The following RTTN variants were observed in gnomAD, a reference collection of about 807,000 sequenced individuals.
The protein encoded by RTTN is rotatin.
Under a neutral mutation model 269.2 loss-of-function variants are expected in RTTN, and 182 were observed. The observed-to-expected ratio is 0.68, with a 90% CI of 0.60 to 0.76. RTTN has a LOEUF of 0.76. RTTN is among the 30% of genes least tolerant of loss of function. The probability of loss-of-function intolerance (pLI) is 0.00; values close to 1 mark genes in which losing one functional copy is unlikely to be tolerated. For missense variants in RTTN, 2,545 were observed against 2,608.6 expected (o/e 0.98, Z 0.53); for synonymous variants, 1,006 against 963.5 (o/e 1.04, Z -0.82).
intron 14 of RTTN, among the ~76,000 whole-genome samples, chr18:70,154,171 TA>T (rs2060613817): frequency 6.6e-6 from 1 of 152,014 alleles, no homozygotes; most frequent in Admixed American, 6.5e-5. Flanking sequence ...GCATTTTTTT[TA>T]AAAACAAATT....
intron 26 of RTTN, among the ~76,000 whole-genome samples, chr18:70,116,666 C>T (rs1272595681): frequency 6.6e-6 from 1 of 152,004 alleles, no homozygotes; most frequent in Non-Finnish European, 1.5e-5. Context: ...CACTGTTGAC[C>T]TCTAAAAGGC....
chr18:70,079,275 G>C (rs904030163), intron 32 of RTTN, among the ~76,000 whole-genome samples: 2 of 151,644 alleles, frequency 1.3e-5, no homozygotes, highest in Non-Finnish European at 2.9e-5. Context: ...AAATATTCTT[G>C]AACTGCTCAA....
intron 44 of RTTN, among the ~76,000 whole-genome samples, chr18:70,022,600 A>C (rs1175291485): frequency 6.6e-6 from 1 of 152,078 alleles, no homozygotes; most frequent in African/African-American, 2.4e-5. Flanking sequence ...CTACTTCTTC[A>C]TCTTCTCTCC....
At position 70,140,170 on chromosome 18, in the gene RTTN, A is replaced by G; in HGVS notation, c.2600T>C (p.Val867Ala). ...GTCAATTAAGCATAACTTTTTCACC[A>G]CAGCATGCATTTTAATATCTGTAGA... The part of the protein sequence containing the change: ...VIMQDIKMHA[V>A]VKKLCLIDKI... Residue 867 changes from valine to alanine, a missense_variant, in exon 20 of 49, where the codon GTG (valine) becomes GCG (alanine). Val to Ala is a moderately conservative substitution (Grantham distance 64). Transcript: ENST00000640769. 1 of 1,584,334 alleles carries G rather than the reference A, an allele frequency of 6.3e-7. No homozygotes were observed. Among genetic ancestry groups the G allele is most frequent in the Non-Finnish European group, 8.7e-7 (1 of 1,154,444 alleles).
At chr18:70,083,816 G>T (rs114607142) in intron 32 of RTTN, among the ~76,000 whole-genome samples, 1,871 of 152,060 alleles carry the variant, frequency 0.012, 54 homozygotes, top group African/African-American at 0.042. Context: ...GCATGTGCCT[G>T]GGGTCCCAGC....
intron 10 of RTTN, among the ~76,000 whole-genome samples, chr18:70,177,691 A>C: frequency 6.6e-6 from 1 of 152,196 alleles, no homozygotes; most frequent in Admixed American, 6.5e-5. Context: ...AAATACCTGC[A>C]AACTAAGAAC....
chr18:70,165,544 A>G (rs1009207019), intron 14 of RTTN, among the ~76,000 whole-genome samples: 4 of 152,050 alleles, frequency 2.6e-5, no homozygotes, highest in African/African-American at 9.6e-5. Flanking sequence ...GGACACTTTC[A>G]AGAGTACGCA....
At chr18:70,054,653 T>C (rs8084019) in intron 37 of RTTN, among the ~76,000 whole-genome samples, 134,126 of 152,002 alleles carry the variant, frequency 0.88, 60,538 homozygotes, top group East Asian at 1. Context: ...GGCAATACGG[T>C]GAGATCCTGT....
At chr18:70,126,440 C>T (rs1414776694) in intron 25 of RTTN, among the ~76,000 whole-genome samples, 1 of 152,006 alleles carries the variant, frequency 6.6e-6, no homozygotes, top group Admixed American at 6.6e-5. Flanking sequence ...TGTCAATTTC[C>T]ATGGTGTAAA....
At position 70,150,038 on chromosome 18, in the gene RTTN, A is replaced by G. The variant is rs879057940; in HGVS notation, c.2105T>C (p.Leu702Ser). The change falls in exon 16 of 49, where the codon TTG becomes TCG. Residue 702 changes from leucine (L) to serine (S), a missense_variant. Coordinates refer to ENST00000640769, the MANE Select transcript of RTTN (RefSeq NM_173630.4). Reference sequence around the variant, plus strand: ...GTTCCAGGTCAATGCTGTCATCATCAATCGTCCCTGAAGCAGGTATAACAG... The same window carrying G: ...GTTCCAGGTCAATGCTGTCATCATCGATCGTCCCTGAAGCAGGTATAACAG... Reference protein sequence around the residue: ...AILLYLLQGRLMMTALTWNKF... With the variant: ...AILLYLLQGRSMMTALTWNKF... The G allele has an allele frequency of 6.2e-7, 1 of 1,613,472 alleles. No individual in the cohort carries two copies. Among genetic ancestry groups the G allele is most frequent in the South Asian group, 1.1e-5 (1 of 91,062 alleles).
At chr18:70,110,841 G>C (rs946233017) in intron 27 of RTTN, among the ~76,000 whole-genome samples, 1 of 152,232 alleles carries the variant, frequency 6.6e-6, no homozygotes, top group South Asian at 2.1e-4. Context: ...CACAGCAGCA[G>C]TCTGAGATTG....
At position 70,196,659 on chromosome 18, in the gene RTTN, G is replaced by A; in HGVS notation, c.694-11C>T. On this transcript the variant is annotated splice_polypyrimidine_tract_variant and intron_variant, in intron 6 of 48. Coordinates refer to ENST00000640769, the MANE Select transcript of RTTN (RefSeq NM_173630.4). ...CAGAGATAAAAGGCTCTGAAATCAA[G>A]AAGAGCCGTGAAAATTACTAAGGGA... 1 of 1,604,764 alleles carries A rather than the reference G, an allele frequency of 6.2e-7. No homozygotes were observed. Among genetic ancestry groups the A allele is most frequent in the Non-Finnish European group, 8.5e-7 (1 of 1,177,592 alleles).
chr18:70,022,297 C>T (rs902735196), intron 44 of RTTN, among the ~76,000 whole-genome samples: 11 of 152,202 alleles, frequency 7.2e-5, no homozygotes, highest in African/African-American at 1.4e-4. Flanking sequence ...TCTCATCATT[C>T]CCATCAAGTC....
intron 32 of RTTN, among the ~76,000 whole-genome samples, chr18:70,078,078 G>A (rs1398048111): frequency 6.6e-6 from 1 of 151,518 alleles, no homozygotes; most frequent in Non-Finnish European, 1.5e-5. Context: ...AAATTAAGGA[G>A]CTTAATAAAT....
At chr18:70,165,689 A>T (rs1312218454) in intron 14 of RTTN, among the ~76,000 whole-genome samples, 1 of 152,110 alleles carries the variant, frequency 6.6e-6, no homozygotes, top group African/African-American at 2.4e-5. Context: ...AAGAAAAATA[A>T]AAAATAACAT....
At chr18:70,132,787 T>C (rs1472869450) in intron 23 of RTTN, among the ~76,000 whole-genome samples, 1 of 152,026 alleles carries the variant, frequency 6.6e-6, no homozygotes, top group Non-Finnish European at 1.5e-5. Context: ...GAGTAATACA[T>C]CAGGACCACT....
chr18:70,060,429 TC>T (rs1490054994), intron 35 of RTTN, among the ~76,000 whole-genome samples: 4 of 152,182 alleles, frequency 2.6e-5, no homozygotes, highest in African/African-American at 9.7e-5. Flanking sequence ...CTTTAGGTTT[TC>T]TTCAGAGTAA....
intron 40 of RTTN, among the ~76,000 whole-genome samples, chr18:70,042,158 GCATA>G: frequency 6.6e-6 from 1 of 151,744 alleles, no homozygotes; most frequent in East Asian, 1.9e-4. Flanking sequence ...AATGTACAGA[GCATA>G]CAAAGTACAG....
rs903606677 is a variant in RTTN at position 70,127,577 on chromosome 18, C to T, written c.3308G>A (p.Arg1103Lys). 17 of 1,613,516 alleles carry T rather than the reference C, an allele frequency of 1.1e-5. No individual in the cohort carries two copies. Among genetic ancestry groups the T allele is most frequent in the Non-Finnish European group, 1.4e-5 (16 of 1,179,710 alleles). The change falls in exon 25 of 49, where the codon AGA becomes AAA. Residue 1103 changes from arginine (R) to lysine (K), a missense_variant. Physicochemically the swap from Arg to Lys is conservative, Grantham distance 26. Coordinates refer to ENST00000640769, the MANE Select transcript of RTTN (RefSeq NM_173630.4). ...TRMSFYLLND[R>K]LSLKGCPGPC... ...ACCAGGGCAACCCTTTAAAGACAAT[C>T]TGTCATTCAGAAGATAAAAACTCAT...
Sources: allele counts gnomAD v4.1 joint callset (sites outside exome capture counted in the v4.1 genomes callset), GRCh38; gene constraint gnomAD v4.1.1; transcripts MANE v1.5; gene names NCBI Gene and HGNC (gene_info 2026-07-23, HGNC 2026-07-21).